ARMH3: variants seen among roughly 807,000 people sequenced by gnomAD.
ARMH3 encodes the protein armadillo-like helical domain-containing protein 3.
Under a neutral mutation model 99.1 loss-of-function variants are expected in ARMH3, and 60 were observed. The ratio of observed to expected loss-of-function variants is 0.61; its 90% CI spans 0.49 to 0.75. The LOEUF is 0.75. Ranked by LOEUF, ARMH3 falls within the 30% of genes least tolerant of loss-of-function variation. The pLI is 0.00. For synonymous variants in ARMH3, 285 were observed against 292.8 expected (o/e 0.97, Z 0.27); for missense variants, 679 against 843.1 (o/e 0.81, Z 2.41).
At chr10:101,916,621 T>C (rs149334021) in intron 23 of ARMH3, among the ~76,000 whole-genome samples, 30 of 152,348 alleles carry the variant, frequency 2.0e-4, no homozygotes, top group African/African-American at 6.5e-4. Flanking sequence ...TTTAGTGTTG[T>C]AATGGTTAAT....
At chr10:102,046,220 G>A (rs1030229973) in intron 1 of ARMH3, among the ~76,000 whole-genome samples, 2 of 149,088 alleles carry the variant, frequency 1.3e-5, no homozygotes, top group Admixed American at 1.4e-4. Flanking sequence ...GATCCAGAAA[G>A]TTTACAATGA....
chr10:101,877,849 G>A (rs2067307569), intron 24 of ARMH3, among the ~76,000 whole-genome samples: 1 of 152,054 alleles, frequency 6.6e-6, no homozygotes, highest in Non-Finnish European at 1.5e-5. Context: ...ATAATAAGCT[G>A]AGCTCTTCTC....
At chr10:102,053,747 C>T (rs1053985889) in intron 1 of ARMH3, among the ~76,000 whole-genome samples, 1 of 151,722 alleles carries the variant, frequency 6.6e-6, no homozygotes, top group African/African-American at 2.4e-5. Flanking sequence ...GCAAGCTCCG[C>T]CTCCTGGGTT....
chr10:101,863,398 A>G (rs190712931), intron 24 of ARMH3, among the ~76,000 whole-genome samples: 53 of 152,332 alleles, frequency 3.5e-4, no homozygotes, highest in African/African-American at 1.1e-3. Context: ...AAAACTTTGA[A>G]TGAAACAAAA....
intron 24 of ARMH3, among the ~76,000 whole-genome samples, chr10:101,877,465 G>GCCTGACCAACATGGTGAAAC: frequency 6.6e-6 from 1 of 152,256 alleles, no homozygotes; most frequent in Non-Finnish European, 1.5e-5. Flanking sequence ...TTTGAGACCA[G>GCCTGACCAACATGGTGAAAC]CCTGACCAAC....
intron 22 of ARMH3, among the ~76,000 whole-genome samples, chr10:101,953,917 C>A (rs1564789160): frequency 6.6e-6 from 1 of 152,126 alleles, no homozygotes; most frequent in Non-Finnish European, 1.5e-5. Flanking sequence ...TCATGCTGGG[C>A]ACAGTGGCTC....
intron 23 of ARMH3, among the ~76,000 whole-genome samples, chr10:101,913,740 G>A (rs1842965665): frequency 6.6e-6 from 1 of 152,162 alleles, no homozygotes; most frequent in African/African-American, 2.4e-5. Flanking sequence ...TGTTTGGTTT[G>A]GTGCGTAAAG....
At chr10:101,923,970 T>C (rs1252312806) in intron 23 of ARMH3, among the ~76,000 whole-genome samples, 1 of 152,188 alleles carries the variant, frequency 6.6e-6, no homozygotes, top group Non-Finnish European at 1.5e-5. Flanking sequence ...CCATTTCATA[T>C]AACAGCAGGC....
chr10:101,906,624 G>C (rs1589997177), intron 23 of ARMH3, among the ~76,000 whole-genome samples: 1 of 152,186 alleles, frequency 6.6e-6, no homozygotes, highest in Non-Finnish European at 1.5e-5. Context: ...AAGTAACTGA[G>C]ATTTCTACTT....
chr10:101,859,199 T>G (rs1305248208), intron 24 of ARMH3, among the ~76,000 whole-genome samples: 1 of 152,212 alleles, frequency 6.6e-6, no homozygotes, highest in Non-Finnish European at 1.5e-5. Context: ...GCAGCTAGAT[T>G]GAGATAGTGT....
At chr10:101,876,227 G>A (rs1269222915) in intron 24 of ARMH3, among the ~76,000 whole-genome samples, 5 of 110,972 alleles carry the variant, frequency 4.5e-5, no homozygotes, top group Admixed American at 1.4e-4. Flanking sequence ...CCAGCCTGGC[G>A]ACAGAGCAAG....
At chr10:101,981,444 T>G (rs1280633084) in intron 19 of ARMH3, among the ~76,000 whole-genome samples, 1 of 151,452 alleles carries the variant, frequency 6.6e-6, no homozygotes, top group Non-Finnish European at 1.5e-5. Flanking sequence ...GCCAACATAG[T>G]GATAGCCCGT....
At chr10:101,868,784 C>T in intron 24 of ARMH3, among the ~76,000 whole-genome samples, 1 of 152,140 alleles carries the variant, frequency 6.6e-6, no homozygotes, top group Non-Finnish European at 1.5e-5. Flanking sequence ...ATCAGCAAAG[C>T]TTCTGGGCCA....
At chr10:102,049,213 C>G (rs1479508728) in intron 1 of ARMH3, among the ~76,000 whole-genome samples, 1 of 152,144 alleles carries the variant, frequency 6.6e-6, no homozygotes, top group Non-Finnish European at 1.5e-5. Context: ...TAATGAATTT[C>G]TACTGCTAGT....
intron 8 of ARMH3, among the ~76,000 whole-genome samples, chr10:102,022,670 T>G (rs2066912772): frequency 6.8e-6 from 1 of 147,610 alleles, no homozygotes; most frequent in Non-Finnish European, 1.5e-5. Context: ...AAACTCCGCC[T>G]CCCGGGTTCA....
At chr10:102,046,942 C>T (rs1031788072) in intron 1 of ARMH3, among the ~76,000 whole-genome samples, 4 of 152,180 alleles carry the variant, frequency 2.6e-5, no homozygotes, top group East Asian at 1.9e-4. Flanking sequence ...TCTAGTTTGT[C>T]AGTGGATGAA....
chr10:101,853,314 A>G (rs909189133), intron 24 of ARMH3, among the ~76,000 whole-genome samples: 9 of 152,134 alleles, frequency 5.9e-5, no homozygotes, highest in African/African-American at 2.2e-4. Flanking sequence ...CTCACAAAGG[A>G]AAAAGACATT....
chr10:101,876,483 A>C (rs75920615), intron 24 of ARMH3, among the ~76,000 whole-genome samples: 2,103 of 152,230 alleles, frequency 0.014, 43 homozygotes, highest in African/African-American at 0.048. Flanking sequence ...ATCCCTCCCA[A>C]ACAGAATCTT....
chr10:101,973,496 A>G (rs1446244637), intron 20 of ARMH3, among the ~76,000 whole-genome samples: 1 of 152,260 alleles, frequency 6.6e-6, no homozygotes, highest in Non-Finnish European at 1.5e-5. Context: ...CATACCAATA[A>G]AAGTGTCGAT....
Sources: gnomAD v4.1 joint callset for allele counts (sites outside exome capture counted in the v4.1 genomes callset) on GRCh38, gnomAD v4.1.1 for gene constraint, MANE v1.5 for transcripts, NCBI Gene and HGNC (gene_info 2026-07-23, HGNC 2026-07-21) for gene names.